The following GRID1 variants were observed in gnomAD, a reference collection of about 807,000 sequenced individuals.
GRID1 encodes glutamate receptor ionotropic, delta-1.
In GRID1, 28 loss-of-function variants were observed where a neutral mutation model predicts 98.0. The ratio of observed to expected loss-of-function variants is 0.29; its 90% CI spans 0.21 to 0.39. The LOEUF (loss-of-function observed/expected upper bound fraction) is 0.39. Ranked by LOEUF, GRID1 falls within the 10% of genes least tolerant of loss-of-function variation. The probability of loss-of-function intolerance (pLI) is 1.00; values close to 1 mark genes in which losing one functional copy is unlikely to be tolerated. For synonymous variants in GRID1, 553 were observed against 538.5 expected, an observed-to-expected ratio of 1.03 and a Z score of -0.37; for missense variants, 1,111 against 1,340.5, an observed-to-expected ratio of 0.83 and a Z score of 2.67.
chr10:86,298,530 G>T (rs1279084651), intron 2 of GRID1, among the ~76,000 whole-genome samples: 1 of 152,156 alleles, frequency 6.6e-6, no homozygotes, highest in East Asian at 1.9e-4. Context: ...GGCAGCCCTG[G>T]CCGTTCTTGT....
Position 85,921,220 on chromosome 10 carries a change from C to A in GRID1, c.727-4981G>T, listed in dbSNP as rs75681611. On this transcript the variant is annotated intron_variant, in intron 4 of 15. Coordinates refer to ENST00000327946, the MANE Select transcript of GRID1 (RefSeq NM_017551.3). The stretch of plus-strand genomic sequence containing the variant: ...TAAAAGGCACAGCTGAGTGTCCACA[C>A]GTGTGTTGACTTATGTGTATATCCA... Among the ~76,000 whole-genome samples the A allele has an allele frequency of 7.3e-3, 1,111 of 152,326 alleles. 13 individuals carry two copies. The highest frequency in any genetic ancestry group is 0.024 in the Admixed American group (374 of 15,310).
intron 4 of GRID1, among the ~76,000 whole-genome samples, chr10:86,093,091 T>C (rs1032570423): frequency 1.3e-5 from 2 of 152,156 alleles, no homozygotes; most frequent in Non-Finnish European, 2.9e-5. Context: ...TTCAAAACCA[T>C]GCAAATCCAT....
At chr10:86,128,788 A>G (rs762996390) in intron 4 of GRID1, among the ~76,000 whole-genome samples, 1 of 152,134 alleles carries the variant, frequency 6.6e-6, no homozygotes, top group Non-Finnish European at 1.5e-5. Context: ...CTTCATGCCC[A>G]TATCTTTACA....
chr10:85,768,731 T>A (rs1361516641), intron 8 of GRID1, among the ~76,000 whole-genome samples: 2 of 152,188 alleles, frequency 1.3e-5, no homozygotes, highest in Non-Finnish European at 2.9e-5. Context: ...CCCAGTTTGG[T>A]AAAGCACTGC....
chr10:85,977,273 T>C (rs913953074), intron 4 of GRID1, among the ~76,000 whole-genome samples: 8 of 152,186 alleles, frequency 5.3e-5, no homozygotes, highest in Admixed American at 2.0e-4. Flanking sequence ...AAGCCTATTG[T>C]GGCCAAAGTG....
intron 10 of GRID1, among the ~76,000 whole-genome samples, chr10:85,725,623 G>A (rs1345151571): frequency 6.6e-6 from 1 of 152,118 alleles, no homozygotes; most frequent in East Asian, 1.9e-4. Context: ...TAATGATCTG[G>A]CCTCTTGACC....
chr10:86,233,766 G>C (rs1428128019), intron 2 of GRID1, among the ~76,000 whole-genome samples: 3 of 152,022 alleles, frequency 2.0e-5, no homozygotes, highest in Non-Finnish European at 4.4e-5. Context: ...CCTGTCCCAG[G>C]CTCTGCCTCT....
At chr10:85,624,317 T>C (rs960177365) in intron 13 of GRID1, among the ~76,000 whole-genome samples, 2 of 152,224 alleles carry the variant, frequency 1.3e-5, no homozygotes, top group African/African-American at 4.8e-5. Context: ...TAATATGAAA[T>C]GCATTCTGAA....
At chr10:86,120,427 T>C (rs1383548515) in intron 4 of GRID1, among the ~76,000 whole-genome samples, 1 of 152,240 alleles carries the variant, frequency 6.6e-6, no homozygotes, top group Non-Finnish European at 1.5e-5. Context: ...ATACCTATTC[T>C]GTATTATCGT....
intron 4 of GRID1, among the ~76,000 whole-genome samples, chr10:85,929,141 T>C (rs1193259644): frequency 1.3e-5 from 2 of 152,198 alleles, no homozygotes; most frequent in Non-Finnish European, 2.9e-5. Flanking sequence ...GTGTCCCACA[T>C]TGGGGTGTGT....
At chr10:85,702,644 G>C (rs1377768979) in intron 12 of GRID1, among the ~76,000 whole-genome samples, 1 of 151,962 alleles carries the variant, frequency 6.6e-6, no homozygotes, top group East Asian at 1.9e-4. Flanking sequence ...AAAGACATTA[G>C]TAAGGATAAC....
chr10:86,310,173 G>A (rs1847813319), intron 2 of GRID1, among the ~76,000 whole-genome samples: 1 of 152,162 alleles, frequency 6.6e-6, no homozygotes, highest in African/African-American at 2.4e-5. Context: ...GAAATTTTGA[G>A]GCAGCCCTCA....
intron 2 of GRID1, among the ~76,000 whole-genome samples, chr10:86,291,184 G>C (rs1437284005): frequency 6.6e-6 from 1 of 152,174 alleles, no homozygotes; most frequent in Non-Finnish European, 1.5e-5. Context: ...TGTGGCGGGG[G>C]GTGGAAAGCA....
At chr10:86,255,762 G>A (rs1408242627) in intron 2 of GRID1, among the ~76,000 whole-genome samples, 1 of 152,174 alleles carries the variant, frequency 6.6e-6, no homozygotes, top group African/African-American at 2.4e-5. Context: ...AGATGGCTGC[G>A]TGCACTCACT....
intron 4 of GRID1, among the ~76,000 whole-genome samples, chr10:86,134,277 T>C (rs910274129): frequency 6.6e-6 from 1 of 152,216 alleles, no homozygotes; most frequent in Non-Finnish European, 1.5e-5. Context: ...TTTGATAGGG[T>C]TCCTCATCCA....
chr10:85,887,706 G>A (rs2131807447), intron 5 of GRID1, among the ~76,000 whole-genome samples: 1 of 152,252 alleles, frequency 6.6e-6, no homozygotes, highest in Non-Finnish European at 1.5e-5. Context: ...GTGTAACTTG[G>A]ACAAGGCACT....
At chr10:86,210,822 A>G (rs901252859) in intron 2 of GRID1, among the ~76,000 whole-genome samples, 2 of 152,278 alleles carry the variant, frequency 1.3e-5, no homozygotes, top group African/African-American at 4.8e-5. Context: ...CATAAAAATA[A>G]TAAGATCAAA....
intron 2 of GRID1, among the ~76,000 whole-genome samples, chr10:86,295,420 G>T (rs937025072): frequency 1.3e-5 from 2 of 152,182 alleles, no homozygotes; most frequent in East Asian, 3.9e-4. Flanking sequence ...CAGTGAGCCC[G>T]AGCGTTGTCC....
At chr10:86,211,278 T>G (rs1437525302) in intron 2 of GRID1, among the ~76,000 whole-genome samples, 1 of 152,198 alleles carries the variant, frequency 6.6e-6, no homozygotes, top group Non-Finnish European at 1.5e-5. Flanking sequence ...TGCCTCCATA[T>G]TATATGGTCA....
Sources: allele counts gnomAD v4.1 joint callset (sites outside exome capture counted in the v4.1 genomes callset), GRCh38; gene constraint gnomAD v4.1.1; transcripts MANE v1.5; gene names NCBI Gene and HGNC (gene_info 2026-07-23, HGNC 2026-07-21).